Variants in CEP135 observed in about 807,000 individuals in gnomAD.
The protein encoded by CEP135 is centrosomal protein 135.
In CEP135, 142 loss-of-function variants were observed where a neutral mutation model predicts 157.3. The ratio of observed to expected loss-of-function variants is 0.90; its 90% CI spans 0.79 to 1.04. The LOEUF is 1.04. Among genes scored for constraint, CEP135 ranks in the 50% least tolerant of loss-of-function variants. CEP135 has a pLI of 0.00. For missense variants in CEP135, 1,317 were observed against 1,309.2 expected, an observed-to-expected ratio of 1.01 and a Z score of -0.09; for synonymous variants, 396 against 439.8, an observed-to-expected ratio of 0.90 and a Z score of 1.25.
rs186114259 is a variant in CEP135, at chr4:56,003,566, G to A, written c.2280+3921G>A. Among the ~76,000 whole-genome samples, 576 of 151,896 alleles carry A rather than the reference G, an allele frequency of 3.8e-3. 5 individuals carry two copies. The highest frequency in any genetic ancestry group is 0.013 in the African/African-American group (550 of 41,412). On this transcript the variant is annotated intron_variant, in intron 17 of 25. Transcript: ENST00000257287. Reference sequence around the variant, plus strand: ...TTTTGCTCTGATCTTTATTCTTTCTGGCCTTCTACTAACTTGGAGTTTGGT... The same window carrying A: ...TTTTGCTCTGATCTTTATTCTTTCTAGCCTTCTACTAACTTGGAGTTTGGT...
chr4:56,004,369 G>A (rs1730279847), intron 17 of CEP135, among the ~76,000 whole-genome samples: 1 of 152,182 alleles, frequency 6.6e-6, no homozygotes, highest in South Asian at 2.1e-4. Flanking sequence ...CTGATAAAAG[G>A]AATTTATTCT....
At chr4:56,010,360 C>CCA (rs1560421101) in intron 19 of CEP135, among the ~76,000 whole-genome samples, 1 of 110,940 alleles carries the variant, frequency 9.0e-6, no homozygotes, top group Non-Finnish European at 1.9e-5. Flanking sequence ...AGACTCCATC[C>CCA]AAAAAAAAAA....
chr4:56,022,019 C>A (rs1427205198), intron 24 of CEP135, among the ~76,000 whole-genome samples: 1 of 152,046 alleles, frequency 6.6e-6, no homozygotes, highest in African/African-American at 2.4e-5. Flanking sequence ...AACAGTGAAA[C>A]CCTGTCTCAA....
At chr4:56,028,601 T>A (rs1251818206) in intron 25 of CEP135, among the ~76,000 whole-genome samples, 2 of 151,668 alleles carry the variant, frequency 1.3e-5, no homozygotes, top group East Asian at 3.9e-4. Context: ...CAGAAATGAA[T>A]TGCTCAAGGA....
At chr4:55,985,875 G>C (rs1729564960) in intron 14 of CEP135, among the ~76,000 whole-genome samples, 1 of 152,140 alleles carries the variant, frequency 6.6e-6, no homozygotes, top group Non-Finnish European at 1.5e-5. Flanking sequence ...AAGAATTAGA[G>C]GCTGCAGTGA....
intron 11 of CEP135, among the ~76,000 whole-genome samples, chr4:55,978,607 G>A (rs541785298): frequency 2.0e-5 from 3 of 152,332 alleles, no homozygotes; most frequent in South Asian, 2.1e-4. Flanking sequence ...CTGGAGTGCA[G>A]TAGTGCGATC....
At chr4:55,964,074 G>A (rs1728768170) in intron 6 of CEP135, among the ~76,000 whole-genome samples, 200 bp from the exon 7 acceptor site, 1 of 152,204 alleles carries the variant, frequency 6.6e-6, no homozygotes, top group African/African-American at 2.4e-5. Flanking sequence ...AAGATATAGT[G>A]ACAGCATGTC....
intron 4 of CEP135, among the ~76,000 whole-genome samples, chr4:55,954,934 AGCTG>A (rs1728462392): frequency 6.6e-6 from 1 of 152,172 alleles, no homozygotes; most frequent in African/African-American, 2.4e-5. Context: ...TACAAAAATT[AGCTG>A]GGCATGGTGG....
Position 55,953,028 on chromosome 4 carries a change from T to C in CEP135, c.114-57T>C. 8 of 1,366,578 alleles carry C rather than the reference T, an allele frequency of 5.9e-6. 1 individual carries two copies. Among genetic ancestry groups the C allele is most frequent in the Non-Finnish European group, 1.9e-6 (2 of 1,027,172 alleles). 84.7% of individuals were successfully genotyped at this position (1,366,578 alleles called of 1,614,324 possible). On this transcript the variant is annotated intron_variant, in intron 2 of 25. Transcript: ENST00000257287. Reference sequence around the variant, plus strand: ...TTAAGCCTCTTTAGAAATATGTTTTTAGTTATTAGAAAGTTAATGAAATAT... The same window carrying C: ...TTAAGCCTCTTTAGAAATATGTTTTCAGTTATTAGAAAGTTAATGAAATAT...
chr4:55,963,753 A>G (rs1728755673), intron 6 of CEP135, among the ~76,000 whole-genome samples: 1 of 152,254 alleles, frequency 6.6e-6, no homozygotes, highest in African/African-American at 2.4e-5. Flanking sequence ...CTCAAAAAGA[A>G]AAAGAAAAAG....
chr4:55,959,663 A>T lies in CEP135; in HGVS notation c.615-19A>T. On this transcript the variant is annotated intron_variant, in intron 5 of 25. Transcript: ENST00000257287. ...TTCTTAACAAAAGTGTATTGGCATTAATTTAAAGTGCTTTTCAGGATTCAA... is the reference window on the plus strand; with the variant it reads ...TTCTTAACAAAAGTGTATTGGCATTTATTTAAAGTGCTTTTCAGGATTCAA... The T allele has an allele frequency of 6.2e-7, 1 of 1,600,306 alleles. No individual in the cohort carries two copies. The highest frequency in any genetic ancestry group is 8.6e-7 in the Non-Finnish European group (1 of 1,167,706).
At chr4:55,961,083 G>A (rs2109650042) in intron 6 of CEP135, among the ~76,000 whole-genome samples, 1 of 146,986 alleles carries the variant, frequency 6.8e-6, no homozygotes, top group East Asian at 2.0e-4. Flanking sequence ...TCCAGCCTGG[G>A]TGACAGAGAC....
intron 25 of CEP135, among the ~76,000 whole-genome samples, chr4:56,025,747 T>TATA (rs1198153587): frequency 6.6e-6 from 1 of 152,102 alleles, no homozygotes; most frequent in African/African-American, 2.4e-5. Flanking sequence ...AAATGAGCAG[T>TATA]ATAATAGTTC....
chr4:55,977,562 CAAAT>C (rs1440864735), intron 11 of CEP135, among the ~76,000 whole-genome samples: 1 of 152,114 alleles, frequency 6.6e-6, no homozygotes, highest in Admixed American at 6.5e-5. Flanking sequence ...TTTTAATTGA[CAAAT>C]AATATGTATA....
At chr4:56,013,730 T>C (rs1452759827) in intron 21 of CEP135, among the ~76,000 whole-genome samples, 1 of 152,174 alleles carries the variant, frequency 6.6e-6, no homozygotes, top group Non-Finnish European at 1.5e-5. Flanking sequence ...TTTGTTTGTA[T>C]AGTTTTATAA....
At chr4:55,954,047 T>C (rs1256860739) in intron 3 of CEP135, among the ~76,000 whole-genome samples, 169 bp from the exon 4 acceptor site, 1 of 152,242 alleles carries the variant, frequency 6.6e-6, no homozygotes, top group Admixed American at 6.5e-5. Context: ...GTGAGTTATT[T>C]GCAGTTTTGT....
chr4:56,009,604 T>C, intron 18 of CEP135, 131 bp from the exon 19 acceptor site: 1 of 734,664 alleles, frequency 1.4e-6, no homozygotes, highest in East Asian at 2.9e-5. Context: ...GGTCTCTTAA[T>C]GCAGCAGTTA....
At position 56,013,697 on chromosome 4, in the gene CEP135, C is replaced by T. The variant is rs112155368; in HGVS notation, c.2802+1712C>T. ...GTTAGATTGATATACAATAGTTGGC[C>T]ATTATTGTCATTTTTGTTTTGTTTT... On this transcript the variant is annotated intron_variant, in intron 21 of 25. Coordinates refer to ENST00000257287, the MANE Select transcript of CEP135 (RefSeq NM_025009.5). Among the ~76,000 whole-genome samples, 1,459 of 152,076 alleles carry T rather than the reference C, an allele frequency of 9.6e-3. 26 individuals are homozygous for T. The highest frequency in any genetic ancestry group is 0.033 in the African/African-American group (1,381 of 41,496).
intron 8 of CEP135, among the ~76,000 whole-genome samples, chr4:55,966,918 T>A (rs1728861321): frequency 6.6e-6 from 1 of 152,188 alleles, no homozygotes; most frequent in African/African-American, 2.4e-5. Flanking sequence ...TTAAATATAA[T>A]ATCTTAAAAT....
Sources: gnomAD v4.1 joint callset for allele counts (sites outside exome capture counted in the v4.1 genomes callset) on GRCh38, gnomAD v4.1.1 for gene constraint, MANE v1.5 for transcripts, NCBI Gene and HGNC (gene_info 2026-07-23, HGNC 2026-07-21) for gene names.